PDSS2: variants seen among roughly 807,000 people sequenced by gnomAD.
PDSS2 encodes decaprenyl diphosphate synthase subunit 2, also known as all trans-polyprenyl-diphosphate synthase PDSS2.
PDSS2 carries 31 observed loss-of-function variants against 44.5 expected under a neutral mutation model. The observed-to-expected ratio is 0.70, with a 90% CI of 0.52 to 0.94. PDSS2 has a LOEUF of 0.94. PDSS2 is among the 40% of genes least tolerant of loss of function. PDSS2 has a pLI of 0.00. For missense variants in PDSS2, 452 were observed against 482.2 expected (o/e 0.94, Z 0.59); for synonymous variants, 157 against 180.3 (o/e 0.87, Z 1.03).
At chr6:107,222,250 C>T (rs1011650903) in intron 4 of PDSS2, among the ~76,000 whole-genome samples, 5 of 152,048 alleles carry the variant, frequency 3.3e-5, no homozygotes, top group African/African-American at 1.2e-4. Flanking sequence ...CAGAAAAAAG[C>T]AAGGAAAAGA....
At chr6:107,227,096 C>T (rs1265846922) in intron 4 of PDSS2, among the ~76,000 whole-genome samples, 1 of 151,822 alleles carries the variant, frequency 6.6e-6, no homozygotes, top group Non-Finnish European at 1.5e-5. Context: ...TCTCCTGCCT[C>T]GGCCTCTCAA....
chr6:107,184,832 CTT>C (rs11317648), intron 7 of PDSS2, among the ~76,000 whole-genome samples: 55 of 147,552 alleles, frequency 3.7e-4, no homozygotes, highest in African/African-American at 3.5e-4. Flanking sequence ...TCTGGAAGAT[CTT>C]TTTTTTTTTT....
chr6:107,189,741 C>A (rs1772304328), intron 7 of PDSS2, among the ~76,000 whole-genome samples: 1 of 152,104 alleles, frequency 6.6e-6, no homozygotes, highest in South Asian at 2.1e-4. Context: ...TCCAGGGGTG[C>A]TCTTATTTGT....
intron 7 of PDSS2, among the ~76,000 whole-genome samples, chr6:107,186,480 T>C (rs78733529): frequency 0.017 from 2,570 of 152,152 alleles, 77 homozygotes; most frequent in African/African-American, 0.058. Flanking sequence ...TATATAGTTT[T>C]TTTTTTACTC....
intron 1 of PDSS2, among the ~76,000 whole-genome samples, chr6:107,398,933 T>C (rs940395239): frequency 6.6e-6 from 1 of 152,138 alleles, no homozygotes; most frequent in Non-Finnish European, 1.5e-5. Flanking sequence ...AGCTCCCCTA[T>C]AGCTTTAAAA....
chr6:107,451,248 A>G (rs1037329456), intron 1 of PDSS2, among the ~76,000 whole-genome samples: 1 of 152,234 alleles, frequency 6.6e-6, no homozygotes, highest in Non-Finnish European at 1.5e-5. Context: ...CTAGAATTAC[A>G]TATTATATTT....
intron 3 of PDSS2, among the ~76,000 whole-genome samples, chr6:107,255,145 G>A (rs915318466): frequency 1.3e-5 from 2 of 150,942 alleles, no homozygotes; most frequent in Admixed American, 6.6e-5. Context: ...GAGCTACCAC[G>A]CCTGGCCAAA....
chr6:107,268,641 T>C (rs1421774424), intron 3 of PDSS2, among the ~76,000 whole-genome samples: 1 of 152,176 alleles, frequency 6.6e-6, no homozygotes, highest in East Asian at 1.9e-4. Context: ...TCTAATATTG[T>C]GTCACTGGCA....
intron 7 of PDSS2, among the ~76,000 whole-genome samples, chr6:107,156,992 C>G (rs1287969240): frequency 6.6e-6 from 1 of 152,116 alleles, no homozygotes; most frequent in South Asian, 2.1e-4. Flanking sequence ...AAGAGTCTTC[C>G]CACCACCAGG....
At chr6:107,260,658 A>ATT (rs540553793) in intron 3 of PDSS2, among the ~76,000 whole-genome samples, 220 of 93,398 alleles carry the variant, frequency 2.4e-3, no homozygotes, top group African/African-American at 5.0e-3. Context: ...TTCCCCCTTC[A>ATT]TTTTTTTTTT....
At chr6:107,355,781 C>G (rs1370915976) in intron 1 of PDSS2, among the ~76,000 whole-genome samples, 1 of 152,236 alleles carries the variant, frequency 6.6e-6, no homozygotes, top group African/African-American at 2.4e-5. Context: ...AACAGAATTA[C>G]TTGAAGAGCT....
In PDSS2 at chr6:107,154,534, A is replaced by C; in HGVS notation, c.*85T>G. The C allele has an allele frequency of 8.1e-7, 1 of 1,229,456 alleles. No homozygotes were observed. The highest frequency in any genetic ancestry group is 2.3e-5 in the East Asian group (1 of 42,746). 76.2% of individuals were successfully genotyped at this position (1,229,456 alleles called of 1,614,324 possible). A position where few individuals can be genotyped will look rare whatever the true frequency, so the allele number is the denominator to read the frequency against. On this transcript the variant is annotated 3_prime_UTR_variant, in exon 8 of 8. Coordinates refer to ENST00000369037, the MANE Select transcript of PDSS2 (RefSeq NM_020381.4). ...GAAAAATGCATATGTTTTAAAAGTCATTAACGCATCGTGAAAGCGCTCCCA... is the reference window on the plus strand; with the variant it reads ...GAAAAATGCATATGTTTTAAAAGTCCTTAACGCATCGTGAAAGCGCTCCCA...
intron 1 of PDSS2, among the ~76,000 whole-genome samples, chr6:107,343,962 AG>A (rs1344667750): frequency 1.2e-4 from 19 of 152,356 alleles, no homozygotes; most frequent in African/African-American, 4.3e-4. Context: ...TATCTTTTTA[AG>A]ACTGGAGAAA....
chr6:107,403,201 C>T (rs1282690360), intron 1 of PDSS2, among the ~76,000 whole-genome samples: 1 of 152,208 alleles, frequency 6.6e-6, no homozygotes, highest in Non-Finnish European at 1.5e-5. Flanking sequence ...CTACAGGCCC[C>T]ATGCAAGTCC....
intron 7 of PDSS2, among the ~76,000 whole-genome samples, chr6:107,158,102 G>A (rs1770974263): frequency 6.6e-6 from 1 of 151,702 alleles, no homozygotes. Flanking sequence ...ATACAGTCAA[G>A]AGAACAGAGG....
rs188022770 is a variant in PDSS2 at position 107,175,816 on chromosome 6, T to C, written c.1041+18006A>G. Among the ~76,000 whole-genome samples, 3 of 152,312 alleles carry C rather than the reference T, an allele frequency of 2.0e-5. No individual in the cohort carries two copies. In the East Asian group the frequency reaches 5.8e-4, roughly 29 times the overall value. On this transcript the variant is annotated intron_variant, in intron 7 of 7. Coordinates refer to ENST00000369037, the MANE Select transcript of PDSS2 (RefSeq NM_020381.4). ...GTATATTCTTCTGGTCATACTTTTT[T>C]GTTGTTGTTGTTAAACCTAAAGGCA... is the stretch of plus-strand genomic sequence containing the variant.
Position 107,386,828 on chromosome 6 carries a change from A to G in PDSS2, c.297-52496T>C, listed in dbSNP as rs543519587. The stretch of plus-strand genomic sequence containing the variant: ...AAAATATAAAGATCACCTAGCAATC[A>G]CTTTTAGTAATATGAGAAACCTTCA... On this transcript the variant is annotated intron_variant, in intron 1 of 7. Coordinates refer to ENST00000369037, the MANE Select transcript of PDSS2 (RefSeq NM_020381.4). Among the ~76,000 whole-genome samples, 134 of 152,362 alleles carry G rather than the reference A, an allele frequency of 8.8e-4. 3 individuals carry two copies. In the South Asian group the frequency reaches 0.027, roughly 31 times the overall value.
At chr6:107,410,356 G>A (rs569482873) in intron 1 of PDSS2, among the ~76,000 whole-genome samples, 2 of 152,222 alleles carry the variant, frequency 1.3e-5, no homozygotes, top group African/African-American at 2.4e-5. Flanking sequence ...TACATAGTAC[G>A]CTTATCCTGG....
chr6:107,255,506 C>G (rs184979839), intron 3 of PDSS2, among the ~76,000 whole-genome samples: 4 of 150,450 alleles, frequency 2.7e-5, no homozygotes, highest in African/African-American at 9.8e-5. Flanking sequence ...GGCTTGAACC[C>G]GGGAATCGCT....
Sources: allele counts gnomAD v4.1 joint callset (sites outside exome capture counted in the v4.1 genomes callset), GRCh38; gene constraint gnomAD v4.1.1; transcripts MANE v1.5; gene names NCBI Gene and HGNC (gene_info 2026-07-23, HGNC 2026-07-21).